Variants in TNIK observed in about 807,000 individuals in gnomAD.
TNIK encodes TRAF2 and NCK interacting kinase.
Under a neutral mutation model 191.3 loss-of-function variants are expected in TNIK, and 49 were observed. The observed-to-expected ratio is 0.26, with a 90% CI of 0.20 to 0.32. TNIK has a LOEUF of 0.32. TNIK is among the 10% of genes least tolerant of loss of function. The pLI is 1.00. For synonymous variants in TNIK, 594 were observed against 600.9 expected, an observed-to-expected ratio of 0.99 and a Z score of 0.17; for missense variants, 1,155 against 1,702.3, an observed-to-expected ratio of 0.68 and a Z score of 5.66.
At chr3:171,439,524 A>C (rs1158010976) in intron 1 of TNIK, 1 of 152,152 alleles carries the variant, frequency 6.6e-6, no homozygotes. Flanking sequence ...TAATTAACCC[A>C]GTGCTTGACA....
intron 28 of TNIK, among the ~76,000 whole-genome samples, chr3:171,075,831 G>A (rs1456806882): frequency 1.3e-5 from 2 of 151,672 alleles, no homozygotes; most frequent in African/African-American, 4.8e-5. Flanking sequence ...CCATCTCCCA[G>A]GTTCAAGTGA....
chr3:171,423,130 CAA>C (rs551120450), intron 1 of TNIK, among the ~76,000 whole-genome samples: 48 of 152,300 alleles, frequency 3.2e-4, no homozygotes, highest in African/African-American at 1.0e-3. Context: ...GCAACTTCAG[CAA>C]AGTCTCAGGG....
intron 9 of TNIK, among the ~76,000 whole-genome samples, chr3:171,171,516 A>G (rs574156229): frequency 9.2e-5 from 14 of 152,344 alleles, no homozygotes; most frequent in African/African-American, 3.4e-4. Flanking sequence ...AGTGGCTTGG[A>G]CCAGTGGAGC....
intron 2 of TNIK, among the ~76,000 whole-genome samples, chr3:171,246,581 T>C (rs1346044573): frequency 1.3e-5 from 2 of 152,320 alleles, no homozygotes; most frequent in Admixed American, 6.5e-5. Flanking sequence ...CAGCATCTCA[T>C]TTGACTTCTG....
At chr3:171,202,273 G>A (rs377644846) in intron 4 of TNIK, among the ~76,000 whole-genome samples, 6 of 152,044 alleles carry the variant, frequency 3.9e-5, no homozygotes, top group African/African-American at 1.4e-4. Context: ...TCCAATCATA[G>A]AAGCTAACTT....
intron 18 of TNIK, among the ~76,000 whole-genome samples, chr3:171,123,299 C>T (rs1475942230): frequency 6.6e-6 from 1 of 152,206 alleles, no homozygotes; most frequent in Non-Finnish European, 1.5e-5. Flanking sequence ...GCAACCAGAT[C>T]CATATTTGCA....
intron 2 of TNIK, among the ~76,000 whole-genome samples, chr3:171,308,721 C>A (rs1411091890): frequency 1.3e-5 from 2 of 152,020 alleles, no homozygotes; most frequent in African/African-American, 2.4e-5. Context: ...AAAACAAACA[C>A]CACCACTTAA....
chr3:171,112,000 C>G (rs936498190), intron 18 of TNIK, among the ~76,000 whole-genome samples: 3 of 152,062 alleles, frequency 2.0e-5, no homozygotes, highest in African/African-American at 7.2e-5. Context: ...CTACTGTACA[C>G]CATGGTGAGT....
At chr3:171,347,175 G>C in intron 2 of TNIK, 2 of 1,518,172 alleles carry the variant, frequency 1.3e-6, no homozygotes, top group Non-Finnish European at 1.8e-6. Context: ...CTCCTAGTTG[G>C]TTCTTGGAGT....
At chr3:171,135,443 A>C (rs1286735360) in intron 15 of TNIK, among the ~76,000 whole-genome samples, 2 of 152,198 alleles carry the variant, frequency 1.3e-5, no homozygotes, top group Non-Finnish European at 2.9e-5. Flanking sequence ...TCCAGTCCTA[A>C]ATTTAGCACT....
At chr3:171,240,250 G>C (rs1404666197) in intron 2 of TNIK, among the ~76,000 whole-genome samples, 1 of 152,114 alleles carries the variant, frequency 6.6e-6, no homozygotes. Flanking sequence ...TTCTCGAGCA[G>C]GTATTTCACA....
intron 2 of TNIK, among the ~76,000 whole-genome samples, chr3:171,257,327 A>G (rs1747005586): frequency 6.6e-6 from 1 of 151,696 alleles, no homozygotes; most frequent in Non-Finnish European, 1.5e-5. Flanking sequence ...TTTACTTAGC[A>G]TTACAGGAGT....
chr3:171,239,305 C>T (rs1181599761), intron 2 of TNIK, among the ~76,000 whole-genome samples: 2 of 152,144 alleles, frequency 1.3e-5, no homozygotes, highest in African/African-American at 4.8e-5. Flanking sequence ...AGGTGTTTGC[C>T]TTTATCCAAC....
At chr3:171,317,076 T>C (rs748884221) in intron 2 of TNIK, among the ~76,000 whole-genome samples, 10 of 151,240 alleles carry the variant, frequency 6.6e-5, no homozygotes, top group Non-Finnish European at 1.0e-4. Context: ...AGTACTTAAA[T>C]AGGATAATAT....
At chr3:171,165,221 C>T (rs767231508) in intron 10 of TNIK, among the ~76,000 whole-genome samples, 1 of 151,794 alleles carries the variant, frequency 6.6e-6, no homozygotes, top group Admixed American at 6.6e-5. Flanking sequence ...CACTTGAGCC[C>T]GGGAGATAGA....
Position 171,280,868 on chromosome 3 carries a change from T to C in TNIK, c.124-52647A>G, listed in dbSNP as rs1278279316. ...GTAAAAATAGATATTTCTCTATTAC[T>C]ATATGTTACTATATATGCTGTTATG... On this transcript the variant is annotated intron_variant, in intron 2 of 32. Coordinates refer to ENST00000436636, the MANE Select transcript of TNIK (RefSeq NM_015028.4). 4.6e-5 allele frequency among the ~76,000 whole-genome samples: 7 copies of C among 152,182 alleles called. No individual in the cohort carries two copies. In the South Asian group the frequency reaches 1.4e-3, roughly 32 times the overall value.
chr3:171,099,548 G>A (rs966995091), intron 22 of TNIK, among the ~76,000 whole-genome samples: 2 of 152,026 alleles, frequency 1.3e-5, no homozygotes, highest in Admixed American at 6.6e-5. Flanking sequence ...AGATGAGTAA[G>A]GCATAACCCT....
Position 171,100,747 on chromosome 3 carries a change from A to G in TNIK, c.2591+702T>C, listed in dbSNP as rs1316856118. 1.4e-3 allele frequency among the ~76,000 whole-genome samples: 54 copies of G among 38,228 alleles called. No homozygotes were observed. In the East Asian group the frequency reaches 0.021, roughly 15 times the overall value. 25.1% of individuals were successfully genotyped at this position (38,228 alleles called of 152,430 possible). ...AAAAATGAACTTTCTCCTCACCTTG[A>G]AAAAAAAAAAAAAAAGAAAAAGGCT... On this transcript the variant is annotated intron_variant, in intron 22 of 32. Transcript: ENST00000436636.
chr3:171,274,252 A>C (rs934037060), intron 2 of TNIK, among the ~76,000 whole-genome samples: 2 of 152,236 alleles, frequency 1.3e-5, no homozygotes, highest in Non-Finnish European at 2.9e-5. Context: ...TTAATCTGAG[A>C]TGTCTGGATT....
Sources: gnomAD v4.1 joint callset for allele counts (sites outside exome capture counted in the v4.1 genomes callset) on GRCh38, gnomAD v4.1.1 for gene constraint, MANE v1.5 for transcripts, NCBI Gene and HGNC (gene_info 2026-07-23, HGNC 2026-07-21) for gene names.